Variants in ZNF761 observed in about 807,000 individuals in gnomAD.
The protein encoded by ZNF761 is zinc finger protein 761.
Under a neutral mutation model 59.9 loss-of-function variants are expected in ZNF761, and 43 were observed. The observed-to-expected ratio is 0.72, with a 90% confidence interval of 0.56 to 0.92. ZNF761 has a LOEUF of 0.92. ZNF761 is among the 40% of genes least tolerant of loss of function. The pLI is 0.00. For synonymous variants in ZNF761, 294 were observed against 304.8 expected, an observed-to-expected ratio of 0.96 and a Z score of 0.37; for missense variants, 850 against 906.1, an observed-to-expected ratio of 0.94 and a Z score of 0.79.
intron 1 of ZNF761, among the ~76,000 whole-genome samples, 193 bp from the exon 2 acceptor site, chr19:53,446,034 G>C (rs1317758848): frequency 1.3e-5 from 2 of 152,140 alleles, no homozygotes; most frequent in African/African-American, 4.8e-5. Flanking sequence ...TGCTGTCCCT[G>C]CTCTTACCCT....
intron 1 of ZNF761, among the ~76,000 whole-genome samples, chr19:53,434,115 T>C (rs2086008933): frequency 6.6e-6 from 1 of 152,208 alleles, no homozygotes; most frequent in African/African-American, 2.4e-5. Context: ...TGATTTCAAG[T>C]ACTGCTTGCG....
At chr19:53,445,316 C>T (rs2086145271) in intron 1 of ZNF761, 1 of 152,150 alleles carries the variant, frequency 6.6e-6, no homozygotes, top group African/African-American at 2.4e-5. Context: ...GGCATCAGAA[C>T]CTTGCAAAAG....
intron 1 of ZNF761, chr19:53,441,682 G>A: frequency 2.0e-6 from 1 of 492,314 alleles, no homozygotes; most frequent in Non-Finnish European, 3.8e-6. Flanking sequence ...CCTGACCTCA[G>A]GTGATCCACT....
At chr19:53,439,566 A>C (rs1337962116) in intron 1 of ZNF761, among the ~76,000 whole-genome samples, 1 of 152,130 alleles carries the variant, frequency 6.6e-6, no homozygotes, top group African/African-American at 2.4e-5. Flanking sequence ...CAGACAGATA[A>C]CAAAAGAAAG....
rs1294744313 is a variant in ZNF761, at chr19:53,455,772, G to A, written c.1265G>A (p.Arg422Lys). The change falls in exon 5 of 5, where the codon AGA becomes AAA. Residue 422 changes from arginine (R) to lysine (K), a missense_variant. By Grantham distance (26) the Arg-to-Lys change is conservative. Coordinates refer to ENST00000684525, the MANE Select transcript of ZNF761 (RefSeq NM_001289951.2). ...CEECDKAYSF[R>K]SNFEIHRKIH... The stretch of plus-strand genomic sequence containing the variant: ...GAATGTGACAAAGCTTACAGTTTCA[G>A]ATCAAATTTTGAAATACATCGGAAA... 16 of 1,608,092 alleles carry A rather than the reference G, an allele frequency of 9.9e-6. No homozygotes were observed. The Admixed American group carries it at 2.7e-4, about 27-fold the overall frequency.
chr19:53,449,509 CA>C lies in ZNF761; in HGVS notation c.16-2del, dbSNP rs536233823. 3 of 1,613,988 alleles carry C rather than the reference CA, an allele frequency of 1.9e-6. No individual in the cohort carries two copies. In the East Asian group the frequency reaches 6.7e-5, roughly 36 times the overall value. On this transcript the variant is annotated splice_acceptor_variant, in intron 3 of 4. Transcript: ENST00000684525. LOFTEE classifies it high-confidence loss of function. Reference sequence around the variant, plus strand: ...ATTTGGTTAAAATGTGTTTTCATTTCAGGGTCTATTGACATTCAGGGATGTG... The same window carrying C: ...ATTTGGTTAAAATGTGTTTTCATTTCGGGTCTATTGACATTCAGGGATGTG...
intron 1 of ZNF761, among the ~76,000 whole-genome samples, chr19:53,432,741 T>C (rs1415043746): frequency 6.6e-6 from 1 of 151,836 alleles, no homozygotes; most frequent in African/African-American, 2.4e-5. Flanking sequence ...CTATAACAGA[T>C]GGCAAAGTAG....
chr19:53,448,228 G>T (rs2086181739), intron 3 of ZNF761, among the ~76,000 whole-genome samples: 1 of 152,178 alleles, frequency 6.6e-6, no homozygotes, highest in South Asian at 2.1e-4. Context: ...GTCTCGAACT[G>T]CTGATCTCAG....
Position 53,457,601 on chromosome 19 carries a change from G to C in ZNF761, c.*853G>C, listed in dbSNP as rs2086283534. On this transcript the variant is annotated 3_prime_UTR_variant, in exon 5 of 5. Coordinates refer to ENST00000684525, the MANE Select transcript of ZNF761 (RefSeq NM_001289951.2). Reference sequence around the variant, plus strand: ...TGCAATGAGTAGAGCAAACCATCAAGCATTAATTGACATTAGGGTCAATTC... The same window carrying C: ...TGCAATGAGTAGAGCAAACCATCAACCATTAATTGACATTAGGGTCAATTC... 1 of 258,946 alleles carries C rather than the reference G, an allele frequency of 3.9e-6. No individual in the cohort carries two copies. Among genetic ancestry groups the C allele is most frequent in the African/African-American group, 2.5e-5 (1 of 40,116 alleles). The allele number at this position is 258,946 out of a possible 1,614,324, so 16.0% of individuals were successfully genotyped here. A position where few individuals can be genotyped will look rare whatever the true frequency, so the allele number is the denominator to read the frequency against.
Position 53,455,277 on chromosome 19 carries a change from T to G in ZNF761, c.770T>G (p.Leu257Arg). Residue 257 changes from leucine to arginine, a missense_variant, in exon 5 of 5, where the codon CTA (leucine) becomes CGA (arginine). Transcript: ENST00000684525. ...AAGCTCTTTAATCAGAAGCGAAACC[T>G]AGCATGCCATCGTAGATGTCACACT... ...CGKLFNQKRN[L>R]ACHRRCHTGE... is the part of the protein sequence containing the mutation. 1 of 1,614,220 alleles carries G rather than the reference T, an allele frequency of 6.2e-7. No homozygotes were observed. The highest frequency in any genetic ancestry group is 1.3e-5 in the African/African-American group (1 of 75,078).
chr19:53,449,308 TGACA>T (rs1167804492), intron 3 of ZNF761, among the ~76,000 whole-genome samples, 200 bp from the exon 4 acceptor site: 1 of 151,624 alleles, frequency 6.6e-6, no homozygotes, highest in Non-Finnish European at 1.5e-5. Context: ...CCAGCCTGGG[TGACA>T]GACTGAGACT....
rs2617725 is a variant in ZNF761, at chr19:53,456,900, A to G, written c.*152A>G. On this transcript the variant is annotated 3_prime_UTR_variant, in exon 5 of 5. Coordinates refer to ENST00000684525, the MANE Select transcript of ZNF761 (RefSeq NM_001289951.2). The stretch of plus-strand genomic sequence containing the variant: ...ACAGGAGAATTCATACTGGAGAGAA[A>G]GCTTATAAATGTGAAGAATGTCACA... 14,576 of 922,510 alleles carry G rather than the reference A, an allele frequency of 0.016. 1,459 individuals are homozygous for G. In the African/African-American group the frequency reaches 0.22, roughly 14 times the overall value. The allele number at this position is 922,510 out of a possible 1,614,324, so 57.1% of individuals were successfully genotyped here. A position where few individuals can be genotyped will look rare whatever the true frequency, so the allele number is the denominator to read the frequency against.
intron 2 of ZNF761, among the ~76,000 whole-genome samples, chr19:53,446,973 G>T (rs1321360347): frequency 1.3e-5 from 2 of 152,072 alleles, no homozygotes; most frequent in African/African-American, 4.8e-5. Flanking sequence ...GCTGGGTCAG[G>T]AAGGGGAGCC....
At chr19:53,435,350 T>G (rs1050745585) in intron 1 of ZNF761, among the ~76,000 whole-genome samples, 1 of 127,750 alleles carries the variant, frequency 7.8e-6, no homozygotes. Flanking sequence ...TGTTGCCCAG[T>G]CTGGAGTGCA....
intron 3 of ZNF761, among the ~76,000 whole-genome samples, chr19:53,447,968 T>A (rs2086178784): frequency 6.6e-6 from 1 of 152,150 alleles, no homozygotes; most frequent in Non-Finnish European, 1.5e-5. Flanking sequence ...GTGTTTTCAT[T>A]AAACGTTTTT....
intron 1 of ZNF761, among the ~76,000 whole-genome samples, chr19:53,436,538 T>C (rs1377300117): frequency 2.0e-5 from 3 of 152,234 alleles, no homozygotes; most frequent in African/African-American, 4.8e-5. Flanking sequence ...GCTGATCTTA[T>C]CTCAGATGAG....
In ZNF761 at chr19:53,457,020, C is replaced by G; in HGVS notation, c.*272C>G. 1.5e-6 allele frequency: 1 copy of G among 645,566 alleles called. No homozygotes were observed. Among genetic ancestry groups the G allele is most frequent in the Middle Eastern group, 2.7e-4 (1 of 3,656 alleles). 40.0% of individuals were successfully genotyped at this position (645,566 alleles called of 1,614,324 possible). A position where few individuals can be genotyped will look rare whatever the true frequency, so the allele number is the denominator to read the frequency against. Reference sequence around the variant, plus strand: ...AAGAGTTTGTGACAAGGCTTTTGGGCATGATTCGCACCTGGCACAACATGC... The same window carrying G: ...AAGAGTTTGTGACAAGGCTTTTGGGGATGATTCGCACCTGGCACAACATGC... On this transcript the variant is annotated 3_prime_UTR_variant, in exon 5 of 5. Transcript: ENST00000684525.
rs138133703 is a variant in ZNF761, at chr19:53,456,248, G to A, written c.1741G>A (p.Glu581Lys). Residue 581 changes from glutamate (E) to lysine (K), a missense_variant, in exon 5 of 5, where the codon GAA becomes AAA. Physicochemically the swap from Glu to Lys is moderately conservative, Grantham distance 56 (BLOSUM62 1). Transcript: ENST00000684525. ...LHSGENPYKC[E>K]DSDKAYSFKS... ...TAGTGGAGAGAACCCTTACAAATGT[G>A]AAGATAGTGACAAAGCTTACAGTTT... 1.6e-4 allele frequency: 266 copies of A among 1,613,578 alleles called. No individual in the cohort carries two copies. Among genetic ancestry groups the A allele is most frequent in the Admixed American group, 1.4e-3 (85 of 59,950 alleles).
Position 53,455,093 on chromosome 19 carries a change from T to A in ZNF761, c.586T>A (p.Phe196Ile). The A allele has an allele frequency of 1.2e-6, 2 of 1,614,160 alleles. 1 individual carries two copies. The highest frequency in any genetic ancestry group is 2.7e-5 in the African/African-American group (2 of 75,052). ...TATATCTAATAACCATGGGAATAAT[T>A]TCTGGAATTCTTCATTACTCACACA... ...THISNNHGNN[F>I]WNSSLLTQKQ... The change falls in exon 5 of 5, where the codon TTC (phenylalanine) becomes ATC (isoleucine). Residue 196 changes from phenylalanine (F) to isoleucine (I), a missense_variant. By Grantham distance (21) the Phe-to-Ile change is conservative (BLOSUM62 0). Coordinates refer to ENST00000684525, the MANE Select transcript of ZNF761 (RefSeq NM_001289951.2).
Sources: gnomAD v4.1 joint callset for allele counts (sites outside exome capture counted in the v4.1 genomes callset) on GRCh38, gnomAD v4.1.1 for gene constraint, MANE v1.5 for transcripts, NCBI Gene and HGNC (gene_info 2026-07-23, HGNC 2026-07-21) for gene names.